Variants in MYO1D observed in about 807,000 individuals in gnomAD.
MYO1D encodes myosin ID.
A neutral mutation model predicts 122.0 loss-of-function variants in MYO1D; 83 were observed. The observed-to-expected ratio is 0.68, with a 90% confidence interval of 0.57 to 0.82. The LOEUF (loss-of-function observed/expected upper bound fraction) is 0.82. MYO1D is among the 40% of genes least tolerant of loss of function. MYO1D has a pLI of 0.00. For synonymous variants in MYO1D, 464 were observed against 446.9 expected, an observed-to-expected ratio of 1.04 and a Z score of -0.48; for missense variants, 1,157 against 1,269.5, an observed-to-expected ratio of 0.91 and a Z score of 1.35.
rs148007853 is a variant in MYO1D at position 32,493,350 on chromosome 17, G to C, written c.*1409C>G. 1 of 152,476 alleles carries C rather than the reference G, an allele frequency of 6.6e-6. No individual in the cohort carries two copies. Among genetic ancestry groups the C allele is most frequent in the Non-Finnish European group, 1.5e-5 (1 of 68,120 alleles). The allele number at this position is 152,476 out of a possible 1,614,324, so 9.4% of individuals were successfully genotyped here. ...CACTCTGGGGTCAGGCCCTGGGTGA[G>C]GCACAGGAGGCTGCACACAGGCACT... On this transcript the variant is annotated 3_prime_UTR_variant, in exon 22 of 22. Transcript: ENST00000318217.
intron 1 of MYO1D, among the ~76,000 whole-genome samples, chr17:32,858,245 A>C (rs1473993440): frequency 1.3e-5 from 2 of 152,220 alleles, no homozygotes; most frequent in Non-Finnish European, 2.9e-5. Flanking sequence ...TTGATGTCTA[A>C]GTAGCAGTTC....
intron 14 of MYO1D, among the ~76,000 whole-genome samples, chr17:32,729,152 C>T (rs1309926411): frequency 6.6e-6 from 1 of 151,864 alleles, no homozygotes; most frequent in Admixed American, 6.5e-5. Flanking sequence ...ACTTTTTCAC[C>T]TGTCTCTCCC....
rs182922820 is a variant in MYO1D, at chr17:32,739,435, T to C, written c.1614-1050A>G. ...ACATGTTCTCACTCATAGGTGGGAA[T>C]TGAACAATGAGAACACTCGGACAGA... On this transcript the variant is annotated intron_variant, in intron 13 of 21. Transcript: ENST00000318217. Among the ~76,000 whole-genome samples, 353 of 135,898 alleles carry C rather than the reference T, an allele frequency of 2.6e-3. 4 individuals are homozygous for C. Among genetic ancestry groups the C allele is most frequent in the Middle Eastern group, 0.01 (2 of 200 alleles). 89.2% of individuals were successfully genotyped at this position (135,898 alleles called of 152,430 possible).
chr17:32,831,770 T>G (rs570470423), intron 1 of MYO1D, among the ~76,000 whole-genome samples: 1 of 152,352 alleles, frequency 6.6e-6, no homozygotes, highest in Admixed American at 6.5e-5. Flanking sequence ...GTGTTTGTAC[T>G]TAGGTTTACA....
At chr17:32,606,609 T>C in intron 20 of MYO1D, among the ~76,000 whole-genome samples, 1 of 152,266 alleles carries the variant, frequency 6.6e-6, no homozygotes, top group South Asian at 2.1e-4. Flanking sequence ...CCACAGATTG[T>C]ATCAAGTGAC....
chr17:32,521,473 G>C (rs1385029834), intron 21 of MYO1D, among the ~76,000 whole-genome samples: 1 of 152,214 alleles, frequency 6.6e-6, no homozygotes, highest in Non-Finnish European at 1.5e-5. Context: ...GGAATTTTCA[G>C]TTCCTCATAC....
At chr17:32,519,388 G>C (rs1252636599) in intron 21 of MYO1D, 1 of 152,546 alleles carries the variant, frequency 6.6e-6, no homozygotes, top group Non-Finnish European at 1.5e-5. Context: ...CAAAGGAAAG[G>C]CGGGAGGGGG....
chr17:32,867,952 T>C (rs1258457796), intron 1 of MYO1D, among the ~76,000 whole-genome samples: 1 of 151,406 alleles, frequency 6.6e-6, no homozygotes, highest in African/African-American at 2.4e-5. Context: ...TTAAAGTCTA[T>C]TACCTAGCAA....
At chr17:32,571,719 A>G (rs1297075241) in intron 21 of MYO1D, among the ~76,000 whole-genome samples, 4 of 152,212 alleles carry the variant, frequency 2.6e-5, no homozygotes, top group African/African-American at 7.2e-5. Context: ...CCCCTGTTCA[A>G]TTAATTTTGG....
intron 16 of MYO1D, among the ~76,000 whole-genome samples, chr17:32,676,188 A>T (rs2088806441): frequency 6.6e-6 from 1 of 152,238 alleles, no homozygotes; most frequent in African/African-American, 2.4e-5. Flanking sequence ...CGGCTGCCAC[A>T]CATTAAAGCC....
At position 32,494,755 on chromosome 17, in the gene MYO1D, G is replaced by T. The variant is rs757304335; in HGVS notation, c.*4C>A. 1.9e-6 allele frequency: 3 copies of T among 1,595,552 alleles called. No individual in the cohort carries two copies. The highest frequency in any genetic ancestry group is 2.6e-6 in the Non-Finnish European group (3 of 1,171,820). ...CGGGCTCCGGGCCAGGCCTCCGCGGGGCGTCAGTTCCCGGGCACGCTGAGG... is the reference window on the plus strand; with the variant it reads ...CGGGCTCCGGGCCAGGCCTCCGCGGTGCGTCAGTTCCCGGGCACGCTGAGG... On this transcript the variant is annotated 3_prime_UTR_variant, in exon 22 of 22. Coordinates refer to ENST00000318217, the MANE Select transcript of MYO1D (RefSeq NM_015194.3).
In MYO1D at chr17:32,492,909, C is replaced by T. The variant is rs1908935712; in HGVS notation, c.*1850G>A. 6.5e-6 allele frequency: 1 copy of T among 152,720 alleles called. No individual in the cohort carries two copies. Among genetic ancestry groups the T allele is most frequent in the East Asian group, 1.9e-4 (1 of 5,174 alleles). The allele number at this position is 152,720 out of a possible 1,614,324, so 9.5% of individuals were successfully genotyped here. A position where few individuals can be genotyped will look rare whatever the true frequency, so the allele number is the denominator to read the frequency against. ...CAGCTGGGAGGCCCTGGCGCTGGGG[C>T]TAAGGGGCCCAAGGCACCATCCAAA... On this transcript the variant is annotated 3_prime_UTR_variant, in exon 22 of 22. Transcript: ENST00000318217.
chr17:32,574,038 G>A (rs1391266145), intron 21 of MYO1D, among the ~76,000 whole-genome samples: 1 of 151,816 alleles, frequency 6.6e-6, no homozygotes, highest in East Asian at 1.9e-4. Flanking sequence ...ATTTTTACTA[G>A]AGACAGGGTT....
intron 16 of MYO1D, among the ~76,000 whole-genome samples, chr17:32,678,933 T>C (rs1284422618): frequency 2.0e-5 from 3 of 149,502 alleles, no homozygotes; most frequent in Admixed American, 1.3e-4. Flanking sequence ...GTTTCCTGAC[T>C]TTTTAATGAT....
chr17:32,560,528 C>CATATATATATATATATATAT lies in MYO1D; in HGVS notation c.2864+44539_2864+44558dup, dbSNP rs56214129. Among the ~76,000 whole-genome samples the CATATATATATATATATATAT allele has an allele frequency of 4.6e-5, 3 of 65,442 alleles. 1 individual carries two copies. The highest frequency in any genetic ancestry group is 1.6e-4 in the Admixed American group (1 of 6,104). 42.9% of individuals were successfully genotyped at this position (65,442 alleles called of 152,430 possible). A position where few individuals can be genotyped will look rare whatever the true frequency, so the allele number is the denominator to read the frequency against. The stretch of plus-strand genomic sequence containing the variant: ...AAAAAAAAGTAATACCCAGAGACAA[C>CATATATATATATATATATAT]ATATATATATATATATATATATATA... On this transcript the variant is annotated intron_variant, in intron 21 of 21. Transcript: ENST00000318217.
intron 21 of MYO1D, among the ~76,000 whole-genome samples, chr17:32,604,584 T>C (rs1164473333): frequency 6.6e-6 from 1 of 152,212 alleles, no homozygotes; most frequent in Non-Finnish European, 1.5e-5. Flanking sequence ...CATCAGGGCT[T>C]ACTATGAAGT....
chr17:32,569,756 C>G (rs1178784473), intron 21 of MYO1D, among the ~76,000 whole-genome samples: 1 of 152,224 alleles, frequency 6.6e-6, no homozygotes, highest in African/African-American at 2.4e-5. Context: ...AGTAGTCATC[C>G]TGCTCCGAGA....
chr17:32,535,123 A>G (rs1910623117), intron 21 of MYO1D, among the ~76,000 whole-genome samples: 1 of 152,228 alleles, frequency 6.6e-6, no homozygotes, highest in Admixed American at 6.5e-5. Context: ...TTTTCCACCA[A>G]ATCAAGCATG....
rs191909899 is a variant in MYO1D, at chr17:32,843,378, C to T, written c.95+33400G>A. 3.7e-4 allele frequency among the ~76,000 whole-genome samples: 56 copies of T among 152,196 alleles called. 1 individual carries two copies. Among genetic ancestry groups the T allele is most frequent in the African/African-American group, 7.0e-4 (29 of 41,512 alleles). ...CTGAGTATCCATAAAGAACAAACTC[C>T]GACGACTAAGGAAAAAATAGAGAAG... On this transcript the variant is annotated intron_variant, in intron 1 of 21. Transcript: ENST00000318217.
Sources: gnomAD v4.1 joint callset for allele counts (sites outside exome capture counted in the v4.1 genomes callset) on GRCh38, gnomAD v4.1.1 for gene constraint, MANE v1.5 for transcripts, NCBI Gene and HGNC (gene_info 2026-07-23, HGNC 2026-07-21) for gene names.